Variants in PLEK observed in about 807,000 individuals in gnomAD.
PLEK encodes platelet 47 kDa protein.
PLEK carries 25 observed loss-of-function variants against 43.9 expected under a neutral mutation model. The ratio of observed to expected loss-of-function variants is 0.57; its 90% CI spans 0.41 to 0.79. The LOEUF is 0.79. PLEK is among the 30% of genes least tolerant of loss of function. The probability of loss-of-function intolerance (pLI) is 0.00; values close to 1 mark genes in which losing one functional copy is unlikely to be tolerated. For missense variants in PLEK, 396 were observed against 413.3 expected, an observed-to-expected ratio of 0.96 and a Z score of 0.36; for synonymous variants, 152 against 144.4, an observed-to-expected ratio of 1.05 and a Z score of -0.38.
chr2:68,382,642 A>C lies in PLEK; in HGVS notation c.472+9A>C. On this transcript the variant is annotated intron_variant, in intron 4 of 8. Coordinates refer to ENST00000234313, the MANE Select transcript of PLEK (RefSeq NM_002664.3). ...TAATCACTGCTTCACAGGTAAAAGC[A>C]CTTGCAGGCCTGAAATAGGGCGACT... 6.6e-7 allele frequency: 1 copy of C among 1,514,732 alleles called. No individual in the cohort carries two copies. The highest frequency in any genetic ancestry group is 1.7e-4 in the Middle Eastern group (1 of 5,848). 93.8% of individuals were successfully genotyped at this position (1,514,732 alleles called of 1,614,324 possible). A position where few individuals can be genotyped will look rare whatever the true frequency, so the allele number is the denominator to read the frequency against.
chr2:68,371,395 C>A (rs910630627), intron 1 of PLEK, among the ~76,000 whole-genome samples: 1 of 152,168 alleles, frequency 6.6e-6, no homozygotes, highest in Non-Finnish European at 1.5e-5. Flanking sequence ...TGGTGTTCTG[C>A]TTTGAACAGG....
At chr2:68,371,040 A>G (rs1673389082) in intron 1 of PLEK, among the ~76,000 whole-genome samples, 1 of 152,170 alleles carries the variant, frequency 6.6e-6, no homozygotes, top group Non-Finnish European at 1.5e-5. Context: ...GTTAGCAGGG[A>G]CACCTGGAAA....
intron 1 of PLEK, among the ~76,000 whole-genome samples, chr2:68,371,789 C>G (rs117566804): frequency 1.5e-5 from 2 of 135,302 alleles, no homozygotes; most frequent in Admixed American, 1.7e-4. Context: ...ACAACCACAA[C>G]GAGTTTAGTT....
intron 4 of PLEK, among the ~76,000 whole-genome samples, chr2:68,383,231 T>C (rs1249888523): frequency 2.0e-5 from 3 of 152,172 alleles, no homozygotes; most frequent in Non-Finnish European, 4.4e-5. Flanking sequence ...ACCTACCTCA[T>C]AGGCTTGCCA....
At chr2:68,367,530 G>A (rs1230119876) in intron 1 of PLEK, among the ~76,000 whole-genome samples, 2 of 152,172 alleles carry the variant, frequency 1.3e-5, no homozygotes, top group Non-Finnish European at 2.9e-5. Flanking sequence ...TAAAGACAGA[G>A]TTTCCTGAGA....
At chr2:68,391,339 T>C (rs1673855093) in intron 6 of PLEK, among the ~76,000 whole-genome samples, 1 of 152,196 alleles carries the variant, frequency 6.6e-6, no homozygotes, top group Non-Finnish European at 1.5e-5. Flanking sequence ...AGCAATTGCA[T>C]AATACAGCAT....
intron 1 of PLEK, among the ~76,000 whole-genome samples, chr2:68,367,119 T>A (rs543893817): frequency 6.6e-6 from 1 of 152,324 alleles, no homozygotes; most frequent in African/African-American, 2.4e-5. Context: ...TGGAATTAAA[T>A]AGTGAAATTT....
At position 68,393,170 on chromosome 2, in the gene PLEK, A is replaced by G. The variant is rs1673893971; in HGVS notation, c.771A>G (p.Arg257=). 1 of 1,608,276 alleles carries G rather than the reference A, an allele frequency of 6.2e-7. No homozygotes were observed. The highest frequency in any genetic ancestry group is 1.3e-5 in the African/African-American group (1 of 74,816). The change falls in exon 7 of 9, where the codon AGA becomes AGG. Residue 257 remains arginine, a synonymous_variant. Transcript: ENST00000234313. Reference sequence around the variant, plus strand: ...GTTGATCCTGGATACAGGGGCATAGAAGGAAAAACTGGAAAGTGAGGAAGT... The same window carrying G: ...GTTGATCCTGGATACAGGGGCATAGGAGGAAAAACTGGAAAGTGAGGAAGT... ...KQGCLLKQGH[R]RKNWKVRKFI...
At chr2:68,393,286 T>C in intron 7 of PLEK, 41 bp downstream of exon 7, 2 of 1,254,684 alleles carry the variant, frequency 1.6e-6, no homozygotes. Flanking sequence ...AATAAATAAA[T>C]CCACTGCATT....
chr2:68,388,296 T>G (rs1673787610), intron 5 of PLEK, 91 bp from the exon 6 acceptor site: 1 of 750,854 alleles, frequency 1.3e-6, no homozygotes, highest in East Asian at 2.6e-5. Flanking sequence ...GAGGCTGCCC[T>G]CATGGCTGGA....
chr2:68,367,575 G>A (rs1198292425), intron 1 of PLEK, among the ~76,000 whole-genome samples: 1 of 152,172 alleles, frequency 6.6e-6, no homozygotes, highest in East Asian at 1.9e-4. Flanking sequence ...TAGACATTAA[G>A]TTTCCTTCAG....
intron 5 of PLEK, 155 bp from the exon 6 acceptor site, chr2:68,388,232 C>T (rs1673786302): frequency 1.3e-5 from 7 of 559,092 alleles, no homozygotes; most frequent in Non-Finnish European, 2.3e-5. Context: ...ACTCGCTCAT[C>T]AAGGACCTTT....
Position 68,394,124 on chromosome 2 carries a change from A to G in PLEK, c.864A>G (p.Gly288=), listed in dbSNP as rs757694319. Residue 288 remains glycine, a synonymous_variant, in exon 8 of 9, where the codon GGA becomes GGG. Transcript: ENST00000234313. ...TTCTTTAGGCAGAAGATCCCCTGGG[A>G]GCAATTCACTTGAGAGGCTGTGTGG... ...YDPAGAEDPL[G]AIHLRGCVVT... 1.9e-6 allele frequency: 3 copies of G among 1,609,124 alleles called. No homozygotes were observed. Among genetic ancestry groups the G allele is most frequent in the East Asian group, 2.2e-5 (1 of 44,872 alleles).
At chr2:68,366,334 G>A (rs927134004) in intron 1 of PLEK, among the ~76,000 whole-genome samples, 3 of 152,208 alleles carry the variant, frequency 2.0e-5, no homozygotes, top group African/African-American at 4.8e-5. Flanking sequence ...CTACCTGTAA[G>A]GGGGGTTAAA....
chr2:68,382,502 T>A (rs75789968), intron 3 of PLEK, 40 bp from the exon 4 acceptor site: 1 of 1,216,116 alleles, frequency 8.2e-7, no homozygotes. Context: ...CTGGGTTTTT[T>A]TTTGTTTGTT....
At chr2:68,386,345 G>T (rs1673740786) in intron 4 of PLEK, among the ~76,000 whole-genome samples, 157 bp from the exon 5 acceptor site, 1 of 152,202 alleles carries the variant, frequency 6.6e-6, no homozygotes, top group Admixed American at 6.5e-5. Context: ...TTTCTAGTGG[G>T]TATCTATCCC....
chr2:68,382,480 C>G lies in PLEK; in HGVS notation c.381-62C>G. 5 of 935,934 alleles carry G rather than the reference C, an allele frequency of 5.3e-6. No individual in the cohort carries two copies. The South Asian group carries it at 7.0e-5, about 13-fold the overall frequency. 58.0% of individuals were successfully genotyped at this position (935,934 alleles called of 1,614,324 possible). On this transcript the variant is annotated intron_variant, in intron 3 of 8. Transcript: ENST00000234313. ...AGAACTTACCATTCTGAAATGTTCC[C>G]CACTCATCCAACTGGGTTTTTTTTT...
At chr2:68,371,688 A>G (rs904065482) in intron 1 of PLEK, among the ~76,000 whole-genome samples, 2 of 152,162 alleles carry the variant, frequency 1.3e-5, no homozygotes, top group African/African-American at 4.8e-5. Context: ...TGAGCCATCC[A>G]GCTCCAGAGC....
intron 1 of PLEK, among the ~76,000 whole-genome samples, chr2:68,374,251 T>G (rs1269563448): frequency 6.6e-6 from 1 of 152,176 alleles, no homozygotes; most frequent in East Asian, 1.9e-4. Context: ...TCTAAGAAAT[T>G]TATTACTAAT....
Sources: allele counts gnomAD v4.1 joint callset (sites outside exome capture counted in the v4.1 genomes callset), GRCh38; gene constraint gnomAD v4.1.1; transcripts MANE v1.5; gene names NCBI Gene and HGNC (gene_info 2026-07-23, HGNC 2026-07-21).